The following THEMIS variants were observed in gnomAD, a reference collection of about 807,000 sequenced individuals.
The protein encoded by THEMIS is thymocyte selection associated, also known as protein THEMIS.
THEMIS carries 37 observed loss-of-function variants against 52.6 expected under a neutral mutation model. The ratio of observed to expected loss-of-function variants is 0.70; its 90% confidence interval spans 0.54 to 0.93. The LOEUF is 0.93. THEMIS is among the 40% of genes least tolerant of loss of function. THEMIS has a pLI of 0.00. For synonymous variants in THEMIS, 292 were observed against 272.7 expected (o/e 1.07, Z -0.70); for missense variants, 808 against 763.1 (o/e 1.06, Z -0.69).
intron 4 of THEMIS, among the ~76,000 whole-genome samples, chr6:127,732,379 A>C (rs1774843867): frequency 6.6e-6 from 1 of 152,150 alleles, no homozygotes; most frequent in Non-Finnish European, 1.5e-5. Context: ...TCTTTTGCTT[A>C]TAAGTACAAT....
intron 4 of THEMIS, among the ~76,000 whole-genome samples, chr6:127,729,316 C>T (rs987225472): frequency 6.6e-6 from 1 of 152,102 alleles, no homozygotes; most frequent in Non-Finnish European, 1.5e-5. Context: ...TGTGGTTCCT[C>T]AGTGTTGCTC....
At chr6:127,860,220 G>A (rs1211029755) in intron 1 of THEMIS, among the ~76,000 whole-genome samples, 2 of 152,142 alleles carry the variant, frequency 1.3e-5, no homozygotes, top group Non-Finnish European at 2.9e-5. Context: ...TATGAAGAAT[G>A]TGTCTAAAAA....
upstream of THEMIS, chr6:127,901,068 G>C: frequency 1.4e-6 from 1 of 714,296 alleles, no homozygotes. Context: ...CAGCCAGAGT[G>C]GGGTGGAGTA....
downstream of THEMIS, among the ~76,000 whole-genome samples, chr6:127,706,210 C>CAT (rs913803361): frequency 4.6e-5 from 7 of 151,576 alleles, no homozygotes; most frequent in Non-Finnish European, 8.8e-5. Flanking sequence ...TAATTTAGAA[C>CAT]ATATATATAT....
intron 1 of THEMIS, among the ~76,000 whole-genome samples, chr6:127,868,074 C>T (rs1026720857): frequency 7.9e-5 from 12 of 152,020 alleles, no homozygotes; most frequent in African/African-American, 2.7e-4. Context: ...AATTACTTCA[C>T]CTGTAAAATA....
Position 127,786,426 on chromosome 6 carries a change from T to C in THEMIS, c.1758+26457A>G, listed in dbSNP as rs144326007. Among the ~76,000 whole-genome samples the C allele has an allele frequency of 1.8e-3, 274 of 152,276 alleles. 1 individual carries two copies. Among genetic ancestry groups the C allele is most frequent in the African/African-American group, 6.2e-3 (257 of 41,564 alleles). ...AATTCAGAAAAATAAAAAGTGAGCATAGAACCAAAATTTGGGAAAAATAAA... is the reference window on the plus strand; with the variant it reads ...AATTCAGAAAAATAAAAAGTGAGCACAGAACCAAAATTTGGGAAAAATAAA... On this transcript the variant is annotated intron_variant, in intron 4 of 5. Transcript: ENST00000368248.
At chr6:127,799,630 A>C (rs1777463407) in intron 4 of THEMIS, among the ~76,000 whole-genome samples, 1 of 142,206 alleles carries the variant, frequency 7.0e-6, no homozygotes, top group East Asian at 2.1e-4. Context: ...ACCATGTAAT[A>C]GTTCTTATAT....
chr6:127,838,696 A>G (rs1335515602), intron 2 of THEMIS, among the ~76,000 whole-genome samples: 1 of 152,088 alleles, frequency 6.6e-6, no homozygotes, highest in African/African-American at 2.4e-5. Context: ...TGATGATCCA[A>G]TTTGATCTAC....
At chr6:127,889,045 T>A (rs1439865738) in intron 1 of THEMIS, among the ~76,000 whole-genome samples, 12 of 152,066 alleles carry the variant, frequency 7.9e-5, no homozygotes, top group Admixed American at 7.9e-4. Context: ...ATAAAGTATA[T>A]TTCTTATTTC....
chr6:127,858,109 TCAA>T (rs1779677701), intron 1 of THEMIS, among the ~76,000 whole-genome samples: 11 of 152,056 alleles, frequency 7.2e-5, no homozygotes, highest in Admixed American at 7.2e-4. Flanking sequence ...TTTTAAAGGT[TCAA>T]TTGGAATTCA....
intron 4 of THEMIS, among the ~76,000 whole-genome samples, chr6:127,778,793 G>A (rs1776647548): frequency 6.8e-6 from 1 of 147,382 alleles, no homozygotes; most frequent in South Asian, 2.1e-4. Context: ...ATACTGAAGT[G>A]TTTATTAAAG....
chr6:127,717,822 C>CTT (rs35369332), intron 5 of THEMIS, among the ~76,000 whole-genome samples: 7 of 146,486 alleles, frequency 4.8e-5, no homozygotes, highest in Admixed American at 1.4e-4. Context: ...CTTAATTAGG[C>CTT]TTTTTTTTTT....
At position 127,709,855 on chromosome 6, in the gene THEMIS, T is replaced by C; in HGVS notation, c.*130A>G. On this transcript the variant is annotated 3_prime_UTR_variant, in exon 6 of 6. Coordinates refer to ENST00000368248, the MANE Select transcript of THEMIS (RefSeq NM_001010923.3). ...TGTTAAAAGTTTTAAGGTTGTTCTTTCCTTTGCAGCGATGAATCAAGTTTC... is the reference window on the plus strand; with the variant it reads ...TGTTAAAAGTTTTAAGGTTGTTCTTCCCTTTGCAGCGATGAATCAAGTTTC... The C allele has an allele frequency of 1.3e-6, 1 of 748,498 alleles. No individual in the cohort carries two copies. Among genetic ancestry groups the C allele is most frequent in the Non-Finnish European group, 2.2e-6 (1 of 461,430 alleles). 46.4% of individuals were successfully genotyped at this position (748,498 alleles called of 1,614,324 possible). A position where few individuals can be genotyped will look rare whatever the true frequency, so the allele number is the denominator to read the frequency against.
intron 1 of THEMIS, among the ~76,000 whole-genome samples, chr6:127,855,664 C>G (rs569575809): frequency 6.6e-6 from 1 of 151,918 alleles, no homozygotes; most frequent in Non-Finnish European, 1.5e-5. Context: ...ATCTGGTTCT[C>G]TTCATTAGCA....
rs1554248220 is a variant in THEMIS at position 127,899,924 on chromosome 6, T to TAA, written c.91+916_91+917dup. 3.1e-4 allele frequency among the ~76,000 whole-genome samples: 45 copies of TAA among 144,542 alleles called. 3 individuals are homozygous for TAA. The highest frequency in any genetic ancestry group is 1.6e-3 in the East Asian group (8 of 4,984). The allele number at this position is 144,542 out of a possible 152,430, so 94.8% of individuals were successfully genotyped here. A position where few individuals can be genotyped will look rare whatever the true frequency, so the allele number is the denominator to read the frequency against. ...TATTTTATATATATATATATATATATAATATATATAAAAACTGGAGCTGAC... is the reference window on the plus strand; with the variant it reads ...TATTTTATATATATATATATATATATAAAATATATATAAAAACTGGAGCTGAC... On this transcript the variant is annotated intron_variant, in intron 1 of 5. Coordinates refer to ENST00000368248, the MANE Select transcript of THEMIS (RefSeq NM_001010923.3).
At chr6:127,903,127 T>A (rs1241781309), upstream of THEMIS, among the ~76,000 whole-genome samples, 1 of 152,028 alleles carries the variant, frequency 6.6e-6, no homozygotes, top group Non-Finnish European at 1.5e-5. Flanking sequence ...GAGATGCCAT[T>A]TTTTTTCTCT....
At chr6:127,726,763 A>G (rs112766682) in intron 4 of THEMIS, among the ~76,000 whole-genome samples, 1,537 of 152,292 alleles carry the variant, frequency 0.01, 25 homozygotes, top group African/African-American at 0.035. Context: ...AATGAGTTGA[A>G]GAATTTTCAT....
chr6:127,737,624 C>T (rs1775052971), intron 4 of THEMIS, among the ~76,000 whole-genome samples: 1 of 152,048 alleles, frequency 6.6e-6, no homozygotes, highest in Admixed American at 6.6e-5. Flanking sequence ...TGAGATCTTG[C>T]CTAACATGTT....
Position 127,813,105 on chromosome 6 carries a change from A to C in THEMIS, c.1536T>G (p.Thr512=). Reference sequence around the variant, plus strand: ...TAGAGAAATTACTAACTAACTGAACAGTCATATTCAAGCGGCCCACAGGAA... The same window carrying C: ...TAGAGAAATTACTAACTAACTGAACCGTCATATTCAAGCGGCCCACAGGAA... The part of the protein sequence containing the change: ...WEIPVGRLNM[T]VQLVSNFSRD... The change falls in exon 4 of 6, where the codon ACT becomes ACG. Residue 512 remains threonine, a synonymous_variant. Coordinates refer to ENST00000368248, the MANE Select transcript of THEMIS (RefSeq NM_001010923.3). The C allele has an allele frequency of 6.2e-7, 1 of 1,614,088 alleles. No individual in the cohort carries two copies. The highest frequency in any genetic ancestry group is 8.5e-7 in the Non-Finnish European group (1 of 1,180,010).
Sources: gnomAD v4.1 joint callset for allele counts (sites outside exome capture counted in the v4.1 genomes callset) on GRCh38, gnomAD v4.1.1 for gene constraint, MANE v1.5 for transcripts, NCBI Gene and HGNC (gene_info 2026-07-23, HGNC 2026-07-21) for gene names.